Variants in TBC1D14 observed in about 807,000 individuals in gnomAD.
TBC1D14 encodes the protein TBC1 domain family, member 14.
A neutral mutation model predicts 79.0 loss-of-function variants in TBC1D14; 26 were observed. That is an observed-to-expected ratio of 0.33 (90% CI 0.24 to 0.46). The LOEUF (loss-of-function observed/expected upper bound fraction) is 0.46, where lower values mean the gene tolerates loss of function less well. TBC1D14 is among the 20% of genes least tolerant of loss of function. The pLI, the probability that TBC1D14 is intolerant of heterozygous loss-of-function variation, is 1.00. For missense variants in TBC1D14, 769 were observed against 887.6 expected (o/e 0.87, Z 1.70); for synonymous variants, 394 against 349.9 (o/e 1.13, Z -1.40).
At chr4:6,924,984 G>A (rs1167977187) in intron 2 of TBC1D14, among the ~76,000 whole-genome samples, 4 of 152,166 alleles carry the variant, frequency 2.6e-5, no homozygotes, top group Admixed American at 2.0e-4. Context: ...AGGGGCTGTG[G>A]AGAGTACGTG....
At chr4:6,959,710 G>A (rs1409739331) in intron 2 of TBC1D14, among the ~76,000 whole-genome samples, 2 of 152,196 alleles carry the variant, frequency 1.3e-5, no homozygotes, top group Non-Finnish European at 2.9e-5. Flanking sequence ...ACATTTTTAT[G>A]TCTCTTCCAA....
chr4:6,934,497 A>G (rs1211416561), intron 2 of TBC1D14, among the ~76,000 whole-genome samples: 2 of 152,074 alleles, frequency 1.3e-5, no homozygotes, highest in South Asian at 2.1e-4. Context: ...CATCACTACT[A>G]AAAATACAAA....
chr4:7,003,190 C>T (rs1386189132), intron 7 of TBC1D14, among the ~76,000 whole-genome samples: 1 of 152,218 alleles, frequency 6.6e-6, no homozygotes, highest in Non-Finnish European at 1.5e-5. Flanking sequence ...CAGCGTTCCC[C>T]AGATGCACAC....
chr4:6,938,379 G>A (rs899623905), intron 2 of TBC1D14, among the ~76,000 whole-genome samples: 1 of 152,162 alleles, frequency 6.6e-6, no homozygotes, highest in Non-Finnish European at 1.5e-5. Flanking sequence ...ATAGCAAGGG[G>A]GGAAGTCAAT....
rs1723018569 is a variant in TBC1D14 at position 7,031,283 on chromosome 4, TGTG to T, written c.*893_*895del. 2 of 152,340 alleles carry T rather than the reference TGTG, an allele frequency of 1.3e-5. No individual in the cohort carries two copies. The highest frequency in any genetic ancestry group is 1.5e-5 in the Non-Finnish European group (1 of 68,100). 9.4% of individuals were successfully genotyped at this position (152,340 alleles called of 1,614,324 possible). ...CAGGGCAGCAGCCCAGAACAGCACA[TGTG>T]GGGGAGGTGGCCCCTTGTGCCAGCA... On this transcript the variant is annotated 3_prime_UTR_variant, in exon 14 of 14. Coordinates refer to ENST00000409757, the MANE Select transcript of TBC1D14 (RefSeq NM_020773.3).
intron 2 of TBC1D14, among the ~76,000 whole-genome samples, chr4:6,952,221 G>A (rs1376236892): frequency 6.6e-6 from 1 of 152,196 alleles, no homozygotes; most frequent in Non-Finnish European, 1.5e-5. Flanking sequence ...TGCAGGGCTC[G>A]TTGAACCAGA....
intron 1 of TBC1D14, among the ~76,000 whole-genome samples, chr4:6,918,117 G>T (rs1174231717): frequency 6.6e-6 from 1 of 152,174 alleles, no homozygotes; most frequent in Non-Finnish European, 1.5e-5. Context: ...CAGAGGAGAG[G>T]AGTAGAAAAA....
chr4:6,987,408 G>T, intron 3 of TBC1D14: 1 of 1,346,008 alleles, frequency 7.4e-7, no homozygotes, highest in Non-Finnish European at 9.6e-7. Context: ...CGGTCCCGTG[G>T]GCCTGTCCTG....
chr4:7,010,030 T>A, intron 10 of TBC1D14, 82 bp downstream of exon 10: 1 of 1,508,448 alleles, frequency 6.6e-7, no homozygotes, highest in South Asian at 1.1e-5. Context: ...TAGCTGCAAA[T>A]GTCATGCCAG....
intron 2 of TBC1D14, among the ~76,000 whole-genome samples, chr4:6,929,870 T>C (rs553240987): frequency 1.3e-5 from 2 of 152,234 alleles, no homozygotes; most frequent in South Asian, 2.1e-4. Context: ...TCTGTCGCTT[T>C]CTAAAGCATT....
intron 2 of TBC1D14, among the ~76,000 whole-genome samples, chr4:6,941,442 C>T (rs781076802): frequency 6.6e-6 from 1 of 152,188 alleles, no homozygotes; most frequent in Non-Finnish European, 1.5e-5. Context: ...GTCTTGGCCA[C>T]CCAAAGTGCT....
chr4:6,954,572 C>T lies in TBC1D14; in HGVS notation c.723-12732C>T, dbSNP rs1202529737. Among the ~76,000 whole-genome samples, 4 of 151,066 alleles carry T rather than the reference C, an allele frequency of 2.6e-5. No individual in the cohort carries two copies. In the East Asian group the frequency reaches 5.9e-4, roughly 22 times the overall value. On this transcript the variant is annotated intron_variant, in intron 2 of 13. Transcript: ENST00000409757. ...TGTGCTTATGTGTATCTCATGCCCA[C>T]TGCACTTCCTTGACTTGGATATTCT... is the stretch of plus-strand genomic sequence containing the variant.
intron 2 of TBC1D14, among the ~76,000 whole-genome samples, chr4:6,951,430 C>A (rs1402162184): frequency 6.6e-6 from 1 of 152,154 alleles, no homozygotes; most frequent in Non-Finnish European, 1.5e-5. Flanking sequence ...ACTCCAGAGG[C>A]TGATGGGGGA....
chr4:6,953,826 T>G (rs960899128), intron 2 of TBC1D14, among the ~76,000 whole-genome samples: 4 of 152,082 alleles, frequency 2.6e-5, no homozygotes, highest in Non-Finnish European at 5.9e-5. Flanking sequence ...TGGCCGCTGC[T>G]TCACAAGGCA....
At chr4:6,961,037 G>A (rs1715145931) in intron 2 of TBC1D14, among the ~76,000 whole-genome samples, 1 of 152,212 alleles carries the variant, frequency 6.6e-6, no homozygotes, top group Admixed American at 6.5e-5. Context: ...ACTCGACACT[G>A]GACCTGGGAG....
intron 12 of TBC1D14, among the ~76,000 whole-genome samples, chr4:7,016,926 T>C (rs541034823): frequency 7.9e-5 from 12 of 152,258 alleles, no homozygotes; most frequent in African/African-American, 1.4e-4. Flanking sequence ...TTGACTCGAG[T>C]GCTTCTCACA....
At chr4:6,971,534 C>G (rs1443987602) in intron 3 of TBC1D14, among the ~76,000 whole-genome samples, 1 of 152,112 alleles carries the variant, frequency 6.6e-6, no homozygotes, top group African/African-American at 2.4e-5. Context: ...ATTGCATAAA[C>G]ATTTTGAAAA....
intron 3 of TBC1D14, among the ~76,000 whole-genome samples, chr4:6,987,772 C>T (rs1187519675): frequency 6.6e-6 from 1 of 152,200 alleles, no homozygotes; most frequent in African/African-American, 2.4e-5. Flanking sequence ...GCTCCGAGCT[C>T]TAGAGCCCAA....
intron 3 of TBC1D14, among the ~76,000 whole-genome samples, chr4:6,992,984 AGC>A (rs1718660496): frequency 6.6e-6 from 1 of 152,240 alleles, no homozygotes; most frequent in African/African-American, 2.4e-5. Flanking sequence ...TCCTTCTCAT[AGC>A]CTGTGTATTT....
Sources: allele counts gnomAD v4.1 joint callset (sites outside exome capture counted in the v4.1 genomes callset), GRCh38; gene constraint gnomAD v4.1.1; transcripts MANE v1.5; gene names NCBI Gene and HGNC (gene_info 2026-07-23, HGNC 2026-07-21).